Variants in RIMS3 observed in about 807,000 individuals in gnomAD.
RIMS3 encodes the protein regulating synaptic membrane exocytosis protein 3.
In RIMS3, 15 loss-of-function variants were observed where a neutral mutation model predicts 29.2. The observed-to-expected ratio is 0.51, with a 90% CI of 0.34 to 0.79. The LOEUF (loss-of-function observed/expected upper bound fraction) is 0.79, where lower values mean the gene tolerates loss of function less well. Among genes scored for constraint, RIMS3 ranks in the 30% least tolerant of loss-of-function variants. RIMS3 has a pLI of 0.01. For missense variants in RIMS3, 342 were observed against 421.4 expected, an observed-to-expected ratio of 0.81 and a Z score of 1.65; for synonymous variants, 161 against 170.1, an observed-to-expected ratio of 0.95 and a Z score of 0.41.
intron 3 of RIMS3, 46 bp downstream of exon 3, chr1:40,641,663 C>A (rs750869436): frequency 1.3e-6 from 2 of 1,583,120 alleles, no homozygotes; most frequent in Non-Finnish European, 1.7e-6. Flanking sequence ...TCTGTCTTTG[C>A]GAAGTGTCCC....
At chr1:40,682,739 A>ATTTTTTT in the RIMS3 span, among the ~76,000 whole-genome samples, 2 of 46,482 alleles carry the variant, frequency 4.3e-5, no homozygotes, top group African/African-American at 2.3e-4. Flanking sequence ...CCCTTTGCAG[A>ATTTTTTT]TCTTTTTTTT....
Position 40,654,768 on chromosome 1 carries a change from A to G in RIMS3, c.-206-6926T>C, listed in dbSNP as rs61779217. Among the ~76,000 whole-genome samples the G allele has an allele frequency of 5.6e-3, 858 of 152,208 alleles. 4 individuals carry two copies. The highest frequency in any genetic ancestry group is 0.01 in the Non-Finnish European group (702 of 68,006). ...CACACACACACAGTGCACACACAAT[A>G]TGCCCTCAGAGACCCTCAGACATAT... On this transcript the variant is annotated intron_variant, in intron 1 of 7. Coordinates refer to ENST00000372684, the MANE Select transcript of RIMS3 (RefSeq NM_014747.3). The surrounding 1 kb of genome is among the most constrained non-coding windows in gnomAD (Gnocchi z 5.3).
the RIMS3 span, among the ~76,000 whole-genome samples, chr1:40,682,964 C>T: frequency 6.6e-6 from 1 of 151,952 alleles, no homozygotes; most frequent in Non-Finnish European, 1.5e-5. Flanking sequence ...TGGTCTTGAA[C>T]TCCTGACCTC....
At chr1:40,632,463 T>C (rs1434449562) in intron 5 of RIMS3, among the ~76,000 whole-genome samples, 1 of 108,344 alleles carries the variant, frequency 9.2e-6, no homozygotes, top group Non-Finnish European at 1.9e-5. Context: ...TATATATATA[T>C]GCCATCTAGG....
the RIMS3 span, among the ~76,000 whole-genome samples, chr1:40,685,330 AAT>A: frequency 0.05 from 1,003 of 19,888 alleles, 9 homozygotes; most frequent in Non-Finnish European, 0.081. Context: ...ATTAATATAT[AAT>A]ATAATTATAT....
intron 2 of RIMS3, among the ~76,000 whole-genome samples, chr1:40,642,727 G>T (rs567006554): frequency 6.6e-6 from 1 of 151,652 alleles, no homozygotes; most frequent in African/African-American, 2.4e-5. Flanking sequence ...AGGCCGAGGC[G>T]GGCGGATCAC....
intron 1 of RIMS3, among the ~76,000 whole-genome samples, chr1:40,663,022 C>T (rs1048011572): frequency 1.3e-5 from 2 of 152,158 alleles, no homozygotes; most frequent in African/African-American, 2.4e-5. Flanking sequence ...TTCTAACCTC[C>T]GCCTTCAGTT....
At chr1:40,685,019 T>C in the RIMS3 span, among the ~76,000 whole-genome samples, 1 of 152,036 alleles carries the variant, frequency 6.6e-6, no homozygotes, top group East Asian at 1.9e-4. Context: ...CAGCTATGTC[T>C]GTTGTTGAGG....
chr1:40,644,959 C>T (rs189011249), intron 2 of RIMS3, among the ~76,000 whole-genome samples: 45 of 152,324 alleles, frequency 3.0e-4, no homozygotes, highest in Non-Finnish European at 5.0e-4. Context: ...AAGACAGTCC[C>T]CAGACAGCTG....
rs559000414 is a variant in RIMS3, at chr1:40,640,937, G to A, written c.217+772C>T. On this transcript the variant is annotated intron_variant, in intron 3 of 7. Coordinates refer to ENST00000372684, the MANE Select transcript of RIMS3 (RefSeq NM_014747.3). ...TGACTGGTTTTATCTGTGACCATGC[G>A]CAGTGTGAATTACTCTATTATGCTT... Among the ~76,000 whole-genome samples the A allele has an allele frequency of 3.9e-4, 60 of 152,304 alleles. 1 individual carries two copies. The highest frequency in any genetic ancestry group is 2.2e-3 in the Admixed American group (34 of 15,296).
Position 40,636,024 on chromosome 1 carries a change from C to T in RIMS3, c.251G>A (p.Arg84His), listed in dbSNP as rs758997795. Residue 84 changes from arginine to histidine, a missense_variant, in exon 4 of 8, where the codon CGC (arginine) becomes CAC (histidine). Arg to His is a conservative substitution (Grantham distance 29). Coordinates refer to ENST00000372684, the MANE Select transcript of RIMS3 (RefSeq NM_014747.3). This position sits in a 1 kb window ranked among gnomAD's most constrained non-coding sequence, Gnocchi z 4.2. ...GATKKLRSNI[R>H]RSTETGIAVE... ...CGCGATGCCTGTCTCCGTGCTCCGG[C>T]GGATGTTGCTGCGCAGCTTCTTGGT... 1.2e-5 allele frequency: 19 copies of T among 1,606,680 alleles called. No individual in the cohort carries two copies. Among genetic ancestry groups the T allele is most frequent in the African/African-American group, 2.7e-5 (2 of 74,922 alleles).
Position 40,635,623 on chromosome 1 carries a change from A to G in RIMS3, c.359+293T>C, listed in dbSNP as rs547219181. On this transcript the variant is annotated intron_variant, in intron 4 of 7. Transcript: ENST00000372684. The surrounding 1 kb of genome is among the most constrained non-coding windows in gnomAD (Gnocchi z 4.1). Reference sequence around the variant, plus strand: ...TCCTTTCCACCCTTTCCTCTGGAGCAGGGCAGTGTGTGCGTGGTGGGAGGT... The same window carrying G: ...TCCTTTCCACCCTTTCCTCTGGAGCGGGGCAGTGTGTGCGTGGTGGGAGGT... 3.3e-5 allele frequency among the ~76,000 whole-genome samples: 5 copies of G among 152,320 alleles called. No individual in the cohort carries two copies. The highest frequency in any genetic ancestry group is 1.2e-4 in the African/African-American group (5 of 41,576).
intron 3 of RIMS3, among the ~76,000 whole-genome samples, chr1:40,639,478 C>T (rs1646542095): frequency 6.6e-6 from 1 of 152,192 alleles, no homozygotes; most frequent in East Asian, 1.9e-4. Context: ...CTTTATGGTA[C>T]AATGGCAGGT....
the RIMS3 span, among the ~76,000 whole-genome samples, chr1:40,676,455 A>G: frequency 6.6e-6 from 1 of 152,094 alleles, no homozygotes; most frequent in East Asian, 1.9e-4. Flanking sequence ...TGAACCTGAG[A>G]CCCGCTGATA....
At chr1:40,641,058 G>A (rs1646552650) in intron 3 of RIMS3, among the ~76,000 whole-genome samples, 1 of 152,220 alleles carries the variant, frequency 6.6e-6, no homozygotes, top group African/African-American at 2.4e-5. Context: ...CTTGTGCTTT[G>A]TAACATATAC....
At chr1:40,659,899 G>A (rs1319959888) in intron 1 of RIMS3, among the ~76,000 whole-genome samples, 2 of 152,228 alleles carry the variant, frequency 1.3e-5, no homozygotes, top group South Asian at 2.1e-4. Context: ...CGGAGACTGC[G>A]TCAGTGCATC....
rs1410832963 is a variant in RIMS3 at position 40,641,720 on chromosome 1, A to G, written c.206T>C (p.Leu69Pro). ...CCATGCCCCCTCACCAGGCTGCGGAAGCTGGAGTGTGCTCTTGCTCCACTG... is the reference window on the plus strand; with the variant it reads ...CCATGCCCCCTCACCAGGCTGCGGAGGCTGGAGTGTGCTCTTGCTCCACTG... ...LTQWSKSTLQLPQPEGATKKL... is the reference protein window; with the variant it reads ...LTQWSKSTLQPPQPEGATKKL... Residue 69 changes from leucine to proline, a missense_variant, in exon 3 of 8, where the codon CTT becomes CCT. Leu to Pro is a moderately conservative substitution (Grantham distance 98). Transcript: ENST00000372684. 6.8e-6 allele frequency: 11 copies of G among 1,613,782 alleles called. No homozygotes were observed. Among genetic ancestry groups the G allele is most frequent in the Non-Finnish European group, 9.3e-6 (11 of 1,179,828 alleles).
At chr1:40,676,572 C>T in the RIMS3 span, among the ~76,000 whole-genome samples, 1 of 152,128 alleles carries the variant, frequency 6.6e-6, no homozygotes, top group Non-Finnish European at 1.5e-5. Flanking sequence ...GCCCTACGTA[C>T]CCCCTTAATA....
the RIMS3 span, among the ~76,000 whole-genome samples, chr1:40,686,390 C>T: frequency 2.7e-3 from 416 of 152,230 alleles, 1 homozygote; most frequent in African/African-American, 9.5e-3. Flanking sequence ...CAGTGGCTCA[C>T]GCCTGTAATC....
Sources: allele counts gnomAD v4.1 joint callset (sites outside exome capture counted in the v4.1 genomes callset), GRCh38; gene constraint gnomAD v4.1.1; non-coding constraint Gnocchi (gnomAD v3.1); transcripts MANE v1.5; gene names NCBI Gene and HGNC (gene_info 2026-07-23, HGNC 2026-07-21).